The following SAMMSON variants were observed in gnomAD, a reference collection of about 807,000 sequenced individuals.
SAMMSON encodes survival associated mitochondrial melanoma specific oncogenic non-coding RNA.
At chr3:70,202,020 G>C (rs1701244961) in intron 4 of SAMMSON, among the ~76,000 whole-genome samples, 1 of 152,116 alleles carries the variant, frequency 6.6e-6, no homozygotes, top group African/African-American at 2.4e-5. Context: ...ATCCCTCTGT[G>C]GCTCTGGCTA....
intron 4 of SAMMSON, chr3:70,125,105 C>CT (rs2067451283): frequency 8.7e-7 from 1 of 1,155,788 alleles, no homozygotes; most frequent in Non-Finnish European, 1.3e-6. Context: ...TGGTTTTTGT[C>CT]TAGCAGATCG....
intron 7 of SAMMSON, among the ~76,000 whole-genome samples, chr3:70,345,378 A>C (rs1332666672): frequency 6.6e-6 from 1 of 152,196 alleles, no homozygotes; most frequent in East Asian, 1.9e-4. Flanking sequence ...AGTGTTACTT[A>C]GATCAGAACC....
intron 1 of SAMMSON, among the ~76,000 whole-genome samples, chr3:70,004,677 A>C (rs889423631): frequency 2.6e-4 from 39 of 152,232 alleles, no homozygotes; most frequent in African/African-American, 9.4e-4. Context: ...TTTAGTCAGC[A>C]TACAAAATAC....
At chr3:70,007,488 G>C (rs1335187360) in intron 1 of SAMMSON, among the ~76,000 whole-genome samples, 1 of 152,132 alleles carries the variant, frequency 6.6e-6, no homozygotes, top group Non-Finnish European at 1.5e-5. Context: ...TTTTGATGGG[G>C]CTGTTTGTTT....
In SAMMSON at chr3:70,010,673, G is replaced by A. The variant is rs369533094; in HGVS notation, n.23-1684G>A. On this transcript the variant is annotated intron_variant and non_coding_transcript_variant, in intron 1 of 9. Transcript: ENST00000642114. The stretch of plus-strand genomic sequence containing the variant: ...GGCGTATGTGCCATTGTATTAGTTA[G>A]TTCTTTTGCTGCTATAAAGAACTTT... Among the ~76,000 whole-genome samples the A allele has an allele frequency of 4.6e-4, 66 of 142,500 alleles. 1 individual carries two copies. The highest frequency in any genetic ancestry group is 1.7e-3 in the African/African-American group (63 of 36,486). 93.5% of individuals were successfully genotyped at this position (142,500 alleles called of 152,430 possible). A position where few individuals can be genotyped will look rare whatever the true frequency, so the allele number is the denominator to read the frequency against.
At chr3:70,336,808 G>C (rs987185260) in intron 7 of SAMMSON, among the ~76,000 whole-genome samples, 2 of 134,076 alleles carry the variant, frequency 1.5e-5, no homozygotes, top group Non-Finnish European at 3.1e-5. Flanking sequence ...AAACATAATA[G>C]AAAGTTTGTG....
chr3:70,072,435 T>G (rs1319542974), intron 4 of SAMMSON: 3 of 151,662 alleles, frequency 2.0e-5, no homozygotes, highest in Non-Finnish European at 4.4e-5. Context: ...CAAACAACAC[T>G]TTTTTTCCCC....
intron 4 of SAMMSON, among the ~76,000 whole-genome samples, chr3:70,217,783 T>A (rs545595651): frequency 6.2e-4 from 95 of 152,276 alleles, no homozygotes; most frequent in African/African-American, 2.1e-3. Flanking sequence ...TACTGAATGA[T>A]CATTGAACCT....
At chr3:70,378,335 T>G (rs1052619462) in intron 9 of SAMMSON, among the ~76,000 whole-genome samples, 1 of 151,922 alleles carries the variant, frequency 6.6e-6, no homozygotes, top group Non-Finnish European at 1.5e-5. Flanking sequence ...TGTGTAATGT[T>G]GAGTGGGAAA....
chr3:70,194,129 T>C (rs13067945), intron 4 of SAMMSON, among the ~76,000 whole-genome samples: 21,455 of 152,226 alleles, frequency 0.14, 2,150 homozygotes, highest in East Asian at 0.52. Context: ...AAAAAATCCA[T>C]TGAGCAGAGC....
chr3:70,397,784 A>G (rs1238874482), intron 2 of SAMMSON, among the ~76,000 whole-genome samples: 2 of 152,182 alleles, frequency 1.3e-5, no homozygotes, highest in Non-Finnish European at 2.9e-5. Context: ...TCTCAACATC[A>G]GGAAAAGAGA....
intron 9 of SAMMSON, among the ~76,000 whole-genome samples, chr3:70,379,457 A>T (rs1703046501): frequency 6.6e-6 from 1 of 152,168 alleles, no homozygotes; most frequent in Non-Finnish European, 1.5e-5. Flanking sequence ...AGGAAAAGGA[A>T]GCAGGATTGG....
chr3:70,104,935 C>T (rs2067361725), intron 4 of SAMMSON, among the ~76,000 whole-genome samples: 1 of 152,082 alleles, frequency 6.6e-6, no homozygotes, highest in Non-Finnish European at 1.5e-5. Flanking sequence ...TCTCAGTAGC[C>T]TCAACTATTC....
At chr3:70,262,870 G>C (rs1229031590) in intron 6 of SAMMSON, among the ~76,000 whole-genome samples, 4 of 151,972 alleles carry the variant, frequency 2.6e-5, no homozygotes, top group Admixed American at 2.6e-4. Context: ...ATAAGGTTGG[G>C]TTTTATTTCT....
At chr3:70,143,982 A>G (rs1299298506) in intron 4 of SAMMSON, among the ~76,000 whole-genome samples, 1 of 152,140 alleles carries the variant, frequency 6.6e-6, no homozygotes, top group Non-Finnish European at 1.5e-5. Context: ...TTTGGTAAAC[A>G]TTTTTGAAGA....
At chr3:70,170,579 C>CTTTTTTTTT (rs538385626) in intron 4 of SAMMSON, among the ~76,000 whole-genome samples, 1,299 of 105,260 alleles carry the variant, frequency 0.012, no homozygotes, top group Middle Eastern at 0.039. Flanking sequence ...CTAGATTTTC[C>CTTTTTTTTT]TTTTTTTTTT....
At chr3:70,152,528 T>C (rs1048159797) in intron 4 of SAMMSON, among the ~76,000 whole-genome samples, 2 of 152,088 alleles carry the variant, frequency 1.3e-5, no homozygotes, top group Admixed American at 1.3e-4. Context: ...ACATATAGTA[T>C]TGGCATGTTA....
At chr3:70,422,028 C>A (rs11720819) in intron 2 of SAMMSON, among the ~76,000 whole-genome samples, 1 of 151,860 alleles carries the variant, frequency 6.6e-6, no homozygotes, top group East Asian at 1.9e-4. Context: ...GAACTACTTA[C>A]GAGGAACCTT....
At chr3:70,197,173 G>A in intron 4 of SAMMSON, 1 of 398,574 alleles carries the variant, frequency 2.5e-6, no homozygotes, top group East Asian at 3.6e-5. Flanking sequence ...GAGGATAAGG[G>A]AGGCACACTC....
Sources: allele counts gnomAD v4.1 joint callset (sites outside exome capture counted in the v4.1 genomes callset), GRCh38; gene constraint gnomAD v4.1.1; transcripts MANE v1.5; gene names NCBI Gene and HGNC (gene_info 2026-07-23, HGNC 2026-07-21).